HOMER2: variants seen among roughly 807,000 people sequenced by gnomAD.
HOMER2 encodes the protein homer protein homolog 2.
A neutral mutation model predicts 47.0 loss-of-function variants in HOMER2; 27 were observed. That is an observed-to-expected ratio of 0.57 (90% CI 0.42 to 0.79). The LOEUF is 0.79. HOMER2 is among the 30% of genes least tolerant of loss of function. The pLI is 0.00. For missense variants in HOMER2, 443 were observed against 435.0 expected, an observed-to-expected ratio of 1.02 and a Z score of -0.16; for synonymous variants, 161 against 163.8, an observed-to-expected ratio of 0.98 and a Z score of 0.13.
chr15:82,836,877 G>C (rs2051133149), downstream of HOMER2: 1 of 152,252 alleles, frequency 6.6e-6, no homozygotes, highest in African/African-American at 2.4e-5. Flanking sequence ...CAGACCATAG[G>C]GTGTGTAAAA....
At chr15:82,947,916 A>C (rs2054417919) in intron 1 of HOMER2, among the ~76,000 whole-genome samples, 2 of 152,228 alleles carry the variant, frequency 1.3e-5, no homozygotes, top group South Asian at 4.1e-4. Flanking sequence ...GACGGATTAT[A>C]AATAAGTAAA....
chr15:82,901,230 C>A (rs1030029910), intron 1 of HOMER2, among the ~76,000 whole-genome samples: 2 of 152,066 alleles, frequency 1.3e-5, no homozygotes, highest in African/African-American at 4.8e-5. Flanking sequence ...TGGGTGAGGA[C>A]CTGGACAGCC....
intron 3 of HOMER2, among the ~76,000 whole-genome samples, chr15:82,873,036 T>C (rs961123469): frequency 2.7e-4 from 41 of 152,268 alleles, no homozygotes; most frequent in African/African-American, 9.4e-4. Flanking sequence ...ATTCACTTTC[T>C]CCAGGCAGCC....
chr15:82,950,533 CG>C (rs540034781), intron 1 of HOMER2, among the ~76,000 whole-genome samples: 17 of 152,124 alleles, frequency 1.1e-4, no homozygotes, highest in Admixed American at 2.0e-4. Flanking sequence ...TCAGTTAAAA[CG>C]GCTCCCTCCA....
At chr15:82,899,570 C>T (rs1174680519) in intron 1 of HOMER2, among the ~76,000 whole-genome samples, 6 of 152,188 alleles carry the variant, frequency 3.9e-5, no homozygotes, top group African/African-American at 1.2e-4. Flanking sequence ...CACACAGTAA[C>T]GTTATTCTTA....
intron 2 of HOMER2, among the ~76,000 whole-genome samples, chr15:82,891,592 G>A (rs2052706631): frequency 6.6e-6 from 1 of 152,046 alleles, no homozygotes; most frequent in Non-Finnish European, 1.5e-5. Flanking sequence ...TTTACCCAGG[G>A]CCCATTCTAT....
At chr15:82,947,417 G>A (rs1387515583) in intron 1 of HOMER2, among the ~76,000 whole-genome samples, 1 of 152,204 alleles carries the variant, frequency 6.6e-6, no homozygotes, top group Non-Finnish European at 1.5e-5. Flanking sequence ...AATCTTGGCT[G>A]AACAAAATAA....
intron 4 of HOMER2, among the ~76,000 whole-genome samples, chr15:82,863,748 G>A (rs931140265): frequency 2.0e-5 from 3 of 152,170 alleles, no homozygotes. Context: ...AGAGCTGTTG[G>A]AATAACCACT....
At chr15:82,859,468 C>T (rs1388910538) in intron 4 of HOMER2, among the ~76,000 whole-genome samples, 3 of 152,130 alleles carry the variant, frequency 2.0e-5, no homozygotes, top group Non-Finnish European at 1.5e-5. Context: ...TTTTTACTTA[C>T]GCCTTATGGA....
At chr15:82,900,530 T>C (rs1254558774) in intron 1 of HOMER2, among the ~76,000 whole-genome samples, 2 of 152,116 alleles carry the variant, frequency 1.3e-5, no homozygotes, top group Admixed American at 1.3e-4. Flanking sequence ...TGAAAAGCAA[T>C]GAAGAGTTTT....
chr15:82,962,362 C>T (rs2054637876), intron 1 of HOMER2, among the ~76,000 whole-genome samples: 1 of 124,930 alleles, frequency 8.0e-6, no homozygotes, highest in Non-Finnish European at 1.6e-5. Context: ...GAGACTCCGT[C>T]TCAAAAAAAA....
intron 1 of HOMER2, among the ~76,000 whole-genome samples, chr15:82,903,916 C>T (rs1408546340): frequency 6.6e-6 from 1 of 152,150 alleles, no homozygotes; most frequent in Admixed American, 6.5e-5. Flanking sequence ...GCGGGCAGAT[C>T]AGTTGACGCC....
intron 1 of HOMER2, among the ~76,000 whole-genome samples, chr15:82,984,042 T>A (rs2030495517): frequency 6.6e-6 from 1 of 151,406 alleles, no homozygotes; most frequent in Non-Finnish European, 1.5e-5. Context: ...ATTATTTTTT[T>A]TTTTTTTTGA....
chr15:82,954,487 A>G (rs1284701086), upstream of HOMER2, among the ~76,000 whole-genome samples: 1 of 145,220 alleles, frequency 6.9e-6, no homozygotes, highest in East Asian at 2.0e-4. Context: ...TATTTTTAGT[A>G]GAGACAGGGT....
rs76818363 is a variant in HOMER2 at position 82,862,794 on chromosome 15, C to T, written c.387+1373G>A. ...CCAGAACAAGGTATTGGAAAGACAA[C>T]TCAAGGCAGACATAGGTTCTGCCTT... On this transcript the variant is annotated intron_variant, in intron 4 of 8. Transcript: ENST00000450735. 7.2e-3 allele frequency among the ~76,000 whole-genome samples: 1,092 copies of T among 152,250 alleles called. 13 individuals carry two copies. The highest frequency in any genetic ancestry group is 0.024 in the African/African-American group (992 of 41,518).
exon 2 of HOMER2, chr15:82,843,361 T>A (rs1287211146): frequency 6.9e-6 from 1 of 144,250 alleles, no homozygotes; most frequent in Non-Finnish European, 1.5e-5. Flanking sequence ...TGAGAATCGC[T>A]TGAACCCGGG....
chr15:82,873,125 T>TA (rs2052231129), intron 3 of HOMER2, among the ~76,000 whole-genome samples: 1 of 152,032 alleles, frequency 6.6e-6, no homozygotes, highest in African/African-American at 2.4e-5. Flanking sequence ...TGAAAACACA[T>TA]ACTCCTGCTC....
chr15:82,930,883 G>A (rs2053989348), intron 1 of HOMER2, among the ~76,000 whole-genome samples: 4 of 152,102 alleles, frequency 2.6e-5, no homozygotes, highest in South Asian at 4.1e-4. Context: ...AAAGTTAGTC[G>A]GGTGTGGTGG....
intron 1 of HOMER2, among the ~76,000 whole-genome samples, chr15:82,901,826 C>T (rs2053128298): frequency 6.6e-6 from 1 of 152,192 alleles, no homozygotes; most frequent in Non-Finnish European, 1.5e-5. Flanking sequence ...TTTGGATAGT[C>T]ATTCTCATAA....
Sources: allele counts gnomAD v4.1 joint callset (sites outside exome capture counted in the v4.1 genomes callset), GRCh38; gene constraint gnomAD v4.1.1; transcripts MANE v1.5; gene names NCBI Gene and HGNC (gene_info 2026-07-23, HGNC 2026-07-21).